Variants in TIAM2 observed in about 807,000 individuals in gnomAD.
TIAM2 encodes rho guanine nucleotide exchange factor TIAM2.
Under a neutral mutation model 152.9 loss-of-function variants are expected in TIAM2, and 80 were observed. The ratio of observed to expected loss-of-function variants is 0.52; its 90% CI spans 0.44 to 0.63. The LOEUF (loss-of-function observed/expected upper bound fraction) is 0.63. Ranked by LOEUF, TIAM2 falls within the 30% of genes least tolerant of loss-of-function variation. The pLI, the probability that TIAM2 is intolerant of heterozygous loss-of-function variation, is 0.00. For missense variants in TIAM2, 1,965 were observed against 2,120.1 expected (o/e 0.93, Z 1.44); for synonymous variants, 804 against 838.0 (o/e 0.96, Z 0.70).
rs530477408 is a variant in TIAM2, at chr6:155,104,554, G to A, written c.-118+14175G>A. ...GGGCAGATCATGAGGTCAGGAGATC[G>A]AGACCATCCTGGCTAACACAGTGAA... On this transcript the variant is annotated intron_variant, in intron 2 of 26. Transcript: ENST00000682666. 2.8e-3 allele frequency among the ~76,000 whole-genome samples: 422 copies of A among 152,124 alleles called. 3 individuals carry two copies. The highest frequency in any genetic ancestry group is 2.4e-3 in the Non-Finnish European group (165 of 67,982).
intron 4 of TIAM2, among the ~76,000 whole-genome samples, chr6:155,136,210 GA>G (rs1270650570): frequency 6.8e-6 from 1 of 146,624 alleles, no homozygotes; most frequent in Admixed American, 6.8e-5. Context: ...AAAAAAAAAA[GA>G]AAAACAAAAA....
chr6:155,244,432 C>T (rs1783207684), intron 17 of TIAM2, among the ~76,000 whole-genome samples: 1 of 152,214 alleles, frequency 6.6e-6, no homozygotes, highest in African/African-American at 2.4e-5. Flanking sequence ...TTTACATCCA[C>T]TTAAAAATTT....
chr6:155,167,223 A>T lies in TIAM2; in HGVS notation c.2361+1814A>T, dbSNP rs984219994. On this transcript the variant is annotated intron_variant, in intron 9 of 26. Transcript: ENST00000682666. ...AAAATTGTGGTTCTACTTGTAATTAATTTTTTTTTCTTTTTTGAGACAGAG... is the reference window on the plus strand; with the variant it reads ...AAAATTGTGGTTCTACTTGTAATTATTTTTTTTTTCTTTTTTGAGACAGAG... Among the ~76,000 whole-genome samples the T allele has an allele frequency of 2.0e-3, 297 of 151,326 alleles. 1 individual carries two copies. Among genetic ancestry groups the T allele is most frequent in the African/African-American group, 6.8e-3 (282 of 41,180 alleles).
chr6:155,249,161 A>G lies in TIAM2; in HGVS notation c.3833-690A>G, dbSNP rs997575238. 4.6e-5 allele frequency among the ~76,000 whole-genome samples: 7 copies of G among 152,332 alleles called. No individual in the cohort carries two copies. In the East Asian group the frequency reaches 1.2e-3, roughly 25 times the overall value. On this transcript the variant is annotated intron_variant, in intron 20 of 26. Coordinates refer to ENST00000682666, the MANE Select transcript of TIAM2 (RefSeq NM_012454.4). Reference sequence around the variant, plus strand: ...TTAAAATGCTGAATTGGGAGAAAAAAAAGTATAAAGAATACTGAATTTAGA... The same window carrying G: ...TTAAAATGCTGAATTGGGAGAAAAAGAAGTATAAAGAATACTGAATTTAGA...
At chr6:155,018,300 A>G (rs986669000) in intron 1 of TIAM2, among the ~76,000 whole-genome samples, 11 of 140,148 alleles carry the variant, frequency 7.8e-5, no homozygotes, top group Non-Finnish European at 1.6e-4. Context: ...TATATAAATT[A>G]ATTTCACTTG....
intron 1 of TIAM2, among the ~76,000 whole-genome samples, chr6:155,081,032 G>T (rs1778051451): frequency 6.6e-6 from 1 of 152,192 alleles, no homozygotes; most frequent in African/African-American, 2.4e-5. Flanking sequence ...TCCACAGTGA[G>T]GGGGCCAGTC....
chr6:155,015,881 G>C (rs1778567066), intron 1 of TIAM2, among the ~76,000 whole-genome samples: 1 of 141,348 alleles, frequency 7.1e-6, no homozygotes, highest in African/African-American at 2.5e-5. Context: ...GGGTTGCAGT[G>C]AGCCAAGATG....
intron 2 of TIAM2, among the ~76,000 whole-genome samples, chr6:155,111,930 C>T (rs1376911602): frequency 6.6e-6 from 1 of 152,168 alleles, no homozygotes; most frequent in East Asian, 1.9e-4. Flanking sequence ...CAAACTCAAT[C>T]CAGTCGGTCT....
At chr6:155,203,468 C>A (rs1197208434) in intron 14 of TIAM2, among the ~76,000 whole-genome samples, 1 of 152,016 alleles carries the variant, frequency 6.6e-6, no homozygotes, top group Non-Finnish European at 1.5e-5. Flanking sequence ...TAGCATAATT[C>A]AAATAAAGTA....
chr6:155,213,085 CTCT>C lies in TIAM2; in HGVS notation c.3168+1780_3168+1782del, dbSNP rs1351921859. ...GAAGGGCTGCAGCTCTTCTCTCCTC[CTCT>C]TTTCTCTCCTTGTCACCTGTAATGT... On this transcript the variant is annotated intron_variant, in intron 15 of 26. Transcript: ENST00000682666. The surrounding 1 kb of genome is among the most constrained non-coding windows in gnomAD (Gnocchi z 4.2). Among the ~76,000 whole-genome samples the C allele has an allele frequency of 2.0e-5, 3 of 152,210 alleles. No individual in the cohort carries two copies. The highest frequency in any genetic ancestry group is 4.8e-5 in the African/African-American group (2 of 41,454).
rs1779386188 is a variant in TIAM2, at chr6:155,129,523, G to A, written c.300G>A (p.Gly100=). Residue 100 remains glycine (G), a synonymous_variant, in exon 4 of 27, where the codon GGG becomes GGA. Transcript: ENST00000682666. This position sits in a 1 kb window ranked among gnomAD's most constrained non-coding sequence, Gnocchi z 4.8. ...CCACGCACAGGACAAATGCCCCAGG[G>A]AAGGATTTCCAGGGCATCAGTGCTG... is the stretch of plus-strand genomic sequence containing the variant. ...AYSTHRTNAP[G]KDFQGISAAF... 1 of 1,614,116 alleles carries A rather than the reference G, an allele frequency of 6.2e-7. No homozygotes were observed. The highest frequency in any genetic ancestry group is 1.7e-5 in the Admixed American group (1 of 60,020).
At chr6:155,029,105 G>C (rs1363251492) in intron 1 of TIAM2, among the ~76,000 whole-genome samples, 1 of 111,258 alleles carries the variant, frequency 9.0e-6, no homozygotes, top group East Asian at 2.8e-4. Context: ...TATATACTAT[G>C]TGTTATATAT....
In TIAM2 at chr6:155,186,135, A is replaced by G. The variant is rs554148934; in HGVS notation, c.3064+2635A>G. Among the ~76,000 whole-genome samples, 2 of 152,344 alleles carry G rather than the reference A, an allele frequency of 1.3e-5. No homozygotes were observed. Among genetic ancestry groups the G allele is most frequent in the South Asian group, 2.1e-4 (1 of 4,826 alleles). Reference sequence around the variant, plus strand: ...TCTCTCATTCATATGCAACATCTGAATGACAAGAGAAGCCTGTGTTTGTGG... The same window carrying G: ...TCTCTCATTCATATGCAACATCTGAGTGACAAGAGAAGCCTGTGTTTGTGG... On this transcript the variant is annotated intron_variant, in intron 14 of 26. Transcript: ENST00000682666. The surrounding 1 kb of genome is among the most constrained non-coding windows in gnomAD (Gnocchi z 4.5).
chr6:155,159,573 T>A (rs973919527), intron 7 of TIAM2, among the ~76,000 whole-genome samples: 2 of 152,178 alleles, frequency 1.3e-5, no homozygotes, highest in African/African-American at 2.4e-5. Flanking sequence ...CCAAGTCCCT[T>A]GCAATTTCAT....
intron 1 of TIAM2, among the ~76,000 whole-genome samples, chr6:155,083,856 C>G (rs1427386560): frequency 2.6e-5 from 4 of 152,192 alleles, no homozygotes; most frequent in Non-Finnish European, 5.9e-5. Flanking sequence ...CAACAGATGA[C>G]ATACGAAACC....
rs866493008 is a variant in TIAM2, at chr6:155,175,934, A to G, written c.2362-882A>G. 3.3e-5 allele frequency among the ~76,000 whole-genome samples: 5 copies of G among 152,368 alleles called. No homozygotes were observed. The South Asian group carries it at 1.0e-3, about 32-fold the overall frequency. ...GATAGAGAAAAGATTTCCCAGGACT[A>G]TGGGTTAATTTTAAGGAACAAATAG... is the stretch of plus-strand genomic sequence containing the variant. On this transcript the variant is annotated intron_variant, in intron 9 of 26. Coordinates refer to ENST00000682666, the MANE Select transcript of TIAM2 (RefSeq NM_012454.4).
At chr6:155,232,762 G>A (rs1368775220) in intron 15 of TIAM2, 1 of 152,132 alleles carries the variant, frequency 6.6e-6, no homozygotes, top group Non-Finnish European at 1.5e-5. Context: ...GCAAAGTGAC[G>A]GGACCAGCTC....
intron 1 of TIAM2, among the ~76,000 whole-genome samples, chr6:155,019,046 A>C (rs1224881358): frequency 6.6e-6 from 1 of 150,690 alleles, no homozygotes; most frequent in African/African-American, 2.4e-5. Flanking sequence ...TCTAAAAAAA[A>C]AAAAATAGGC....
At chr6:155,155,663 C>T (rs553343944) in intron 7 of TIAM2, among the ~76,000 whole-genome samples, 112 of 152,052 alleles carry the variant, frequency 7.4e-4, no homozygotes, top group Admixed American at 1.2e-3. Flanking sequence ...TTTGTAGAGA[C>T]GGGGTTTTGC....
Sources: allele counts gnomAD v4.1 joint callset (sites outside exome capture counted in the v4.1 genomes callset), GRCh38; gene constraint gnomAD v4.1.1; non-coding constraint Gnocchi (gnomAD v3.1); transcripts MANE v1.5; gene names NCBI Gene and HGNC (gene_info 2026-07-23, HGNC 2026-07-21).